MGAT5: variants seen among roughly 807,000 people sequenced by gnomAD.
The protein encoded by MGAT5 is alpha-1,6-mannosylglycoprotein 6-beta-N-acetylglucosaminyltransferase A.
Under a neutral mutation model 94.3 loss-of-function variants are expected in MGAT5, and 30 were observed. The ratio of observed to expected loss-of-function variants is 0.32; its 90% CI spans 0.24 to 0.43. The LOEUF is 0.43. Among genes scored for constraint, MGAT5 ranks in the 20% least tolerant of loss-of-function variants. MGAT5 has a pLI of 1.00. For synonymous variants in MGAT5, 310 were observed against 322.9 expected (o/e 0.96, Z 0.43); for missense variants, 691 against 905.5 (o/e 0.76, Z 3.04).
intron 13 of MGAT5, among the ~76,000 whole-genome samples, chr2:134,423,203 G>C (rs1684394099): frequency 6.6e-6 from 1 of 152,214 alleles, no homozygotes; most frequent in South Asian, 2.1e-4. Context: ...ACTTGGTTCA[G>C]TGACCTGATT....
chr2:134,246,714 G>A (rs903321113), intron 1 of MGAT5, among the ~76,000 whole-genome samples: 11 of 152,226 alleles, frequency 7.2e-5, no homozygotes, highest in Admixed American at 2.0e-4. Flanking sequence ...TCCGCATGCA[G>A]CTGGTAGACT....
chr2:134,229,328 C>T (rs1485661083), intron 1 of MGAT5, among the ~76,000 whole-genome samples: 1 of 152,110 alleles, frequency 6.6e-6, no homozygotes, highest in African/African-American at 2.4e-5. Context: ...ATGAATTTTG[C>T]CCAGTAGAGG....
intron 1 of MGAT5, among the ~76,000 whole-genome samples, chr2:134,145,163 C>T (rs1341603643): frequency 3.3e-5 from 5 of 151,898 alleles, no homozygotes; most frequent in African/African-American, 1.2e-4. Flanking sequence ...ATGTTTTCCC[C>T]TTCCTTCCAA....
intron 14 of MGAT5, among the ~76,000 whole-genome samples, chr2:134,436,289 T>G (rs2106403715): frequency 6.6e-6 from 1 of 152,304 alleles, no homozygotes; most frequent in South Asian, 2.1e-4. Context: ...CAGGCCTCCC[T>G]CTGTTCAGTG....
chr2:134,172,945 C>A (rs1182572036), intron 1 of MGAT5, among the ~76,000 whole-genome samples: 1 of 152,134 alleles, frequency 6.6e-6, no homozygotes, highest in Non-Finnish European at 1.5e-5. Flanking sequence ...GGAGGAAAAA[C>A]ACCCCAGCAT....
chr2:134,173,624 G>A (rs1688324513), intron 1 of MGAT5, among the ~76,000 whole-genome samples: 1 of 152,130 alleles, frequency 6.6e-6, no homozygotes, highest in Non-Finnish European at 1.5e-5. Context: ...TCCCCCTCCA[G>A]CATGTCATAT....
chr2:134,361,202 G>C (rs917656622), intron 9 of MGAT5, among the ~76,000 whole-genome samples: 3 of 152,218 alleles, frequency 2.0e-5, no homozygotes, highest in Non-Finnish European at 4.4e-5. Flanking sequence ...TCCTCTGTTT[G>C]TTGACCACCT....
Position 134,254,229 on chromosome 2 carries a change from G to T in MGAT5, c.-175G>T. On this transcript the variant is annotated 5_prime_UTR_variant, in exon 1 of 16. The change abolishes an upstream ATG in the 5' untranslated region. Transcript: ENST00000281923. ...GGTTTATTTTGCTGTATTGTGCCAT[G>T]ACCACTTGGCTAATTCTTCTCCTCC... The T allele has an allele frequency of 1.4e-6, 1 of 692,322 alleles. No individual in the cohort carries two copies. The allele number at this position is 692,322 out of a possible 1,614,324, so 42.9% of individuals were successfully genotyped here.
chr2:134,331,575 C>T (rs1262199333), intron 4 of MGAT5, among the ~76,000 whole-genome samples: 1 of 152,028 alleles, frequency 6.6e-6, no homozygotes, highest in South Asian at 2.1e-4. Flanking sequence ...TGAGGGAGGT[C>T]TTTCCCAGGC....
chr2:134,181,729 C>T (rs1477319338), intron 1 of MGAT5, among the ~76,000 whole-genome samples: 1 of 152,108 alleles, frequency 6.6e-6, no homozygotes, highest in Non-Finnish European at 1.5e-5. Flanking sequence ...CTTCTTACAC[C>T]TTAATTATTG....
chr2:134,243,005 A>G (rs1365027649), intron 1 of MGAT5, among the ~76,000 whole-genome samples: 1 of 151,562 alleles, frequency 6.6e-6, no homozygotes, highest in Non-Finnish European at 1.5e-5. Flanking sequence ...CAGATGAATT[A>G]TCTAGTAAGC....
intron 10 of MGAT5, among the ~76,000 whole-genome samples, chr2:134,372,311 A>G (rs1190363444): frequency 6.6e-6 from 1 of 152,212 alleles, no homozygotes; most frequent in Non-Finnish European, 1.5e-5. Flanking sequence ...CACGGCTTCC[A>G]AGGACTTGCC....
At chr2:134,418,272 C>T (rs1333536641) in intron 12 of MGAT5, among the ~76,000 whole-genome samples, 3 of 152,338 alleles carry the variant, frequency 2.0e-5, no homozygotes, top group East Asian at 3.9e-4. Flanking sequence ...TTTCATTCTT[C>T]ATGCTGTAAG....
chr2:134,245,192 T>C (rs1682177600), intron 1 of MGAT5, among the ~76,000 whole-genome samples: 1 of 152,102 alleles, frequency 6.6e-6, no homozygotes, highest in Non-Finnish European at 1.5e-5. Context: ...TTTTGTATTT[T>C]TAGGAGAGAC....
At chr2:134,418,634 T>C (rs1459158448) in intron 12 of MGAT5, among the ~76,000 whole-genome samples, 1 of 152,126 alleles carries the variant, frequency 6.6e-6, no homozygotes, top group Admixed American at 6.5e-5. Context: ...CATGAAGAAA[T>C]AGCTAAGTGA....
rs938897134 is a variant in MGAT5 at position 134,384,325 on chromosome 2, C to G, written c.1381-18663C>G. ...TACAATGCTCTTGCCCCTACAAGTT[C>G]CTTCCTGTCCACTATCCTTTTTGAT... On this transcript the variant is annotated intron_variant, in intron 10 of 15. Coordinates refer to ENST00000281923, the MANE Select transcript of MGAT5 (RefSeq NM_002410.5). Among the ~76,000 whole-genome samples, 60 of 151,662 alleles carry G rather than the reference C, an allele frequency of 4.0e-4. 3 individuals carry two copies. The highest frequency in any genetic ancestry group is 2.9e-5 in the Non-Finnish European group (2 of 68,000).
intron 8 of MGAT5, 35 bp from the exon 9 acceptor site, chr2:134,349,770 T>C (rs1679253548): frequency 6.2e-7 from 1 of 1,610,458 alleles, no homozygotes; most frequent in Non-Finnish European, 8.5e-7. Flanking sequence ...TGGGGGCAAG[T>C]ATGTAGTGTT....
intron 10 of MGAT5, among the ~76,000 whole-genome samples, chr2:134,366,180 T>C (rs1680418363): frequency 6.6e-6 from 1 of 152,220 alleles, no homozygotes; most frequent in African/African-American, 2.4e-5. Context: ...ACACTAGAGA[T>C]GTACCCAGAA....
chr2:134,195,242 G>A (rs1424918280), intron 1 of MGAT5, among the ~76,000 whole-genome samples: 1 of 152,136 alleles, frequency 6.6e-6, no homozygotes, highest in African/African-American at 2.4e-5. Flanking sequence ...TGAATTAGCA[G>A]GTACTGTGTT....
Sources: gnomAD v4.1 joint callset for allele counts (sites outside exome capture counted in the v4.1 genomes callset) on GRCh38, gnomAD v4.1.1 for gene constraint, MANE v1.5 for transcripts, NCBI Gene and HGNC (gene_info 2026-07-23, HGNC 2026-07-21) for gene names.